Variants in LEO1 observed in about 807,000 individuals in gnomAD.
The protein encoded by LEO1 is RNA polymerase-associated protein LEO1.
In LEO1, 34 loss-of-function variants were observed where a neutral mutation model predicts 80.4. The ratio of observed to expected loss-of-function variants is 0.42; its 90% CI spans 0.32 to 0.56. The LOEUF is 0.56. LEO1 is among the 20% of genes least tolerant of loss of function. LEO1 has a pLI of 0.10. For missense variants in LEO1, 631 were observed against 814.2 expected (o/e 0.77, Z 2.74); for synonymous variants, 262 against 274.9 (o/e 0.95, Z 0.46).
At chr15:51,944,310 G>A (rs914107665) in intron 11 of LEO1, among the ~76,000 whole-genome samples, 2 of 152,090 alleles carry the variant, frequency 1.3e-5, no homozygotes, top group Non-Finnish European at 2.9e-5. Flanking sequence ...TATTCAAAGT[G>A]CCAAAAGAAA....
At chr15:51,939,010 C>T (rs1168110809) in intron 11 of LEO1, among the ~76,000 whole-genome samples, 1 of 152,152 alleles carries the variant, frequency 6.6e-6, no homozygotes, top group Non-Finnish European at 1.5e-5. Flanking sequence ...CATGGCAAAA[C>T]TCCATCTCTA....
At chr15:51,964,574 G>C (rs1331982222) in intron 2 of LEO1, among the ~76,000 whole-genome samples, 1 of 148,756 alleles carries the variant, frequency 6.7e-6, no homozygotes, top group Admixed American at 6.7e-5. Flanking sequence ...CCTCTACTCT[G>C]AATTAGTTAT....
Position 51,949,869 on chromosome 15 carries a change from C to T in LEO1, c.1737G>A (p.Glu579=), listed in dbSNP as rs533669969. 2.5e-6 allele frequency: 4 copies of T among 1,614,008 alleles called. No homozygotes were observed. The East Asian group carries it at 6.7e-5, about 27-fold the overall frequency. The change falls in exon 10 of 12, where the codon GAG becomes GAA. Residue 579 remains glutamate (E), a synonymous_variant. Transcript: ENST00000299601. The part of the protein sequence containing the change: ...YLEPDRYDEE[E]EGEESISLAA... ...CCAAGCTGATGGACTCCTCGCCTTC[C>T]TCCTCCTCATCGTATCGATCAGGTT...
rs1166646181 is a variant in LEO1, at chr15:51,939,938, CT to C, written c.1897-1679del. On this transcript the variant is annotated intron_variant, in intron 11 of 11. Transcript: ENST00000299601. ...CTAATCCATCCTCTGGAGTAAGAAG[CT>C]GTGAAATTCTGCTTTAGAAAGCCTG... is the stretch of plus-strand genomic sequence containing the variant. Among the ~76,000 whole-genome samples the C allele has an allele frequency of 2.0e-5, 3 of 152,196 alleles. No individual in the cohort carries two copies. The East Asian group carries it at 5.8e-4, about 29-fold the overall frequency.
rs149397573 is a variant in LEO1, at chr15:51,964,440, G to A, written c.814+1309C>T. Among the ~76,000 whole-genome samples the A allele has an allele frequency of 6.4e-3, 969 of 151,920 alleles. 9 individuals carry two copies. The highest frequency in any genetic ancestry group is 0.02 in the Middle Eastern group (6 of 294). Reference sequence around the variant, plus strand: ...GGGGAGGGATAGCATTAGGAGAAATGCCTAATGTAAATGACGAGTTGATGG... The same window carrying A: ...GGGGAGGGATAGCATTAGGAGAAATACCTAATGTAAATGACGAGTTGATGG... On this transcript the variant is annotated intron_variant, in intron 2 of 11. Transcript: ENST00000299601.
chr15:51,962,356 G>T, intron 3 of LEO1, 33 bp downstream of exon 3: 1 of 1,361,050 alleles, frequency 7.3e-7, no homozygotes. Context: ...AAGAGGTATG[G>T]AAATATACAT....
Position 51,966,461 on chromosome 15 carries a change from A to G in LEO1, c.102T>C (p.Ala34=). Residue 34 remains alanine (A), a synonymous_variant, in exon 2 of 12, where the codon GCT becomes GCC. Transcript: ENST00000299601. ...TTCCAGAGGCATTACTGCCAGAGGC[A>G]GCATTCTCTTGATCAGAATCTGAGT... ...GSDSDSDQEN[A]ASGSNASGSE... is the part of the protein sequence containing the mutation. 1 of 1,613,022 alleles carries G rather than the reference A, an allele frequency of 6.2e-7. No homozygotes were observed. Among genetic ancestry groups the G allele is most frequent in the Non-Finnish European group, 8.5e-7 (1 of 1,179,280 alleles).
intron 2 of LEO1, among the ~76,000 whole-genome samples, chr15:51,964,730 G>A (rs2057061343): frequency 6.6e-6 from 1 of 152,214 alleles, no homozygotes; most frequent in Admixed American, 6.5e-5. Context: ...TTTAAGCTAA[G>A]AAGATAGGAT....
chr15:51,950,256 C>G (rs953706999), intron 9 of LEO1, among the ~76,000 whole-genome samples: 1 of 152,192 alleles, frequency 6.6e-6, no homozygotes, highest in Non-Finnish European at 1.5e-5. Context: ...TCCTCGGGAG[C>G]TGTGCTGGTG....
chr15:51,960,502 A>G, intron 4 of LEO1, 137 bp downstream of exon 4: 1 of 612,974 alleles, frequency 1.6e-6, no homozygotes, highest in Non-Finnish European at 2.9e-6. Context: ...TCCCTACATA[A>G]TGAAGAAAGT....
At chr15:51,971,589 C>T in intron 1 of LEO1, 99 bp downstream of exon 1, 4 of 1,254,020 alleles carry the variant, frequency 3.2e-6, no homozygotes, top group Non-Finnish European at 4.6e-6. Flanking sequence ...GTGGAGGAAA[C>T]GCCACCTCTT....
intron 10 of LEO1, among the ~76,000 whole-genome samples, chr15:51,948,290 G>T (rs896188546): frequency 6.6e-6 from 1 of 152,166 alleles, no homozygotes; most frequent in Non-Finnish European, 1.5e-5. Flanking sequence ...AGACTCATGT[G>T]CTAGATTTTT....
At chr15:51,949,666 C>CCCA in intron 10 of LEO1, 142 bp downstream of exon 10, 1 of 714,486 alleles carries the variant, frequency 1.4e-6, no homozygotes, top group Non-Finnish European at 2.3e-6. Context: ...CACCACTGCA[C>CCCA]TCCAGCCTGG....
At chr15:51,956,060 T>C (rs2056986470) in intron 6 of LEO1, among the ~76,000 whole-genome samples, 2 of 152,164 alleles carry the variant, frequency 1.3e-5, no homozygotes, top group African/African-American at 4.8e-5. Flanking sequence ...AATTTTCAGA[T>C]TGAAAACAAA....
At chr15:51,969,030 G>A (rs1396070816) in intron 1 of LEO1, among the ~76,000 whole-genome samples, 3 of 152,072 alleles carry the variant, frequency 2.0e-5, no homozygotes, top group Non-Finnish European at 2.9e-5. Context: ...GTACAGTGGT[G>A]CAATCTTGGC....
intron 1 of LEO1, among the ~76,000 whole-genome samples, chr15:51,967,413 C>CA (rs1467766961): frequency 1.3e-5 from 2 of 152,186 alleles, no homozygotes; most frequent in African/African-American, 2.4e-5. Context: ...GTGGAGGTTG[C>CA]AGTGAGCCGA....
At chr15:51,959,700 T>C (rs2057015572) in intron 5 of LEO1, among the ~76,000 whole-genome samples, 199 bp downstream of exon 5, 1 of 152,204 alleles carries the variant, frequency 6.6e-6, no homozygotes, top group South Asian at 2.1e-4. Context: ...ATCAAACTGC[T>C]AAAAACAATC....
At position 51,958,508 on chromosome 15, in the gene LEO1, T is replaced by C. The variant is rs1487087704; in HGVS notation, c.1245+234A>G. On this transcript the variant is annotated intron_variant, in intron 6 of 11. Coordinates refer to ENST00000299601, the MANE Select transcript of LEO1 (RefSeq NM_138792.4). Reference sequence around the variant, plus strand: ...CCTACATCCTCCTTACTTAAAAGATTAGAGGCCCTCCTTTGATAGCGTGAC... The same window carrying C: ...CCTACATCCTCCTTACTTAAAAGATCAGAGGCCCTCCTTTGATAGCGTGAC... 2.6e-5 allele frequency among the ~76,000 whole-genome samples: 4 copies of C among 152,090 alleles called. No individual in the cohort carries two copies. The East Asian group carries it at 7.7e-4, about 29-fold the overall frequency.
intron 1 of LEO1, among the ~76,000 whole-genome samples, chr15:51,968,974 G>A (rs993277286): frequency 1.3e-5 from 2 of 152,046 alleles, no homozygotes; most frequent in East Asian, 1.9e-4. Flanking sequence ...TTTTTTGTTC[G>A]TTTGTTTTCT....
Sources: gnomAD v4.1 joint callset for allele counts (sites outside exome capture counted in the v4.1 genomes callset) on GRCh38, gnomAD v4.1.1 for gene constraint, MANE v1.5 for transcripts, NCBI Gene and HGNC (gene_info 2026-07-23, HGNC 2026-07-21) for gene names.